Variants in DCAF6 observed in about 807,000 individuals in gnomAD.
DCAF6 encodes DDB1- and CUL4-associated factor 6.
In DCAF6, 54 loss-of-function variants were observed where a neutral mutation model predicts 125.1. That is an observed-to-expected ratio of 0.43 (90% CI 0.35 to 0.54). The LOEUF is 0.54. DCAF6 is among the 20% of genes least tolerant of loss of function. The pLI, the probability that DCAF6 is intolerant of heterozygous loss-of-function variation, is 0.01. For synonymous variants in DCAF6, 371 were observed against 390.4 expected (o/e 0.95, Z 0.58); for missense variants, 934 against 1,161.7 (o/e 0.80, Z 2.85).
upstream of DCAF6, among the ~76,000 whole-genome samples, chr1:167,931,044 G>A (rs371426515): frequency 3.2e-4 from 48 of 152,312 alleles, no homozygotes; most frequent in African/African-American, 1.1e-3. Context: ...CAATTCTCCT[G>A]CCTCACCCTC....
At chr1:167,930,382 AC>A in the DCAF6 span, among the ~76,000 whole-genome samples, 2 of 152,206 alleles carry the variant, frequency 1.3e-5, no homozygotes, top group East Asian at 3.8e-4. Flanking sequence ...GAAATCATCT[AC>A]TGTAGGCACT....
chr1:168,061,470 T>G (rs530057592), intron 17 of DCAF6, among the ~76,000 whole-genome samples: 334 of 152,286 alleles, frequency 2.2e-3, no homozygotes, highest in African/African-American at 7.7e-3. Flanking sequence ...GAATTATTCT[T>G]TAGCCTGTGT....
the DCAF6 span, chr1:167,924,489 A>G: frequency 6.3e-7 from 1 of 1,593,052 alleles, no homozygotes. Context: ...TAAAAACTCA[A>G]GACTTACCCA....
In DCAF6 at chr1:168,065,573, T is replaced by C; in HGVS notation, c.2440-17T>C. The stretch of plus-strand genomic sequence containing the variant: ...AACTTTGATTTGAATTTTTAAATAA[T>C]TTTTTTTAACCCTTAGATAAAAGAA... On this transcript the variant is annotated splice_polypyrimidine_tract_variant and intron_variant, in intron 18 of 21. Transcript: ENST00000367840. The C allele has an allele frequency of 6.9e-7, 1 of 1,453,802 alleles. No individual in the cohort carries two copies. Among genetic ancestry groups the C allele is most frequent in the Non-Finnish European group, 9.3e-7 (1 of 1,076,606 alleles). 90.1% of individuals were successfully genotyped at this position (1,453,802 alleles called of 1,614,324 possible). A position where few individuals can be genotyped will look rare whatever the true frequency, so the allele number is the denominator to read the frequency against.
Position 168,070,742 on chromosome 1 carries a change from C to G in DCAF6, c.2791+2279C>G, listed in dbSNP as rs182771207. Among the ~76,000 whole-genome samples, 27 of 152,252 alleles carry G rather than the reference C, an allele frequency of 1.8e-4. No individual in the cohort carries two copies. In the East Asian group the frequency reaches 5.0e-3, roughly 28 times the overall value. On this transcript the variant is annotated intron_variant, in intron 21 of 21. Coordinates refer to ENST00000367840, the MANE Select transcript of DCAF6 (RefSeq NM_001198956.2). ...TGAGATGGAAAGGCATTTCTGACAT[C>G]CCTAGAAGCTTTGAGAGGCTTTGGA...
intron 12 of DCAF6, among the ~76,000 whole-genome samples, chr1:168,025,699 A>G (rs1405037306): frequency 6.6e-6 from 1 of 152,214 alleles, no homozygotes; most frequent in Non-Finnish European, 1.5e-5. Flanking sequence ...CTCCTAGATT[A>G]ATGGAATAAT....
At chr1:167,990,558 AT>A (rs1680683422) in intron 5 of DCAF6, among the ~76,000 whole-genome samples, 1 of 152,162 alleles carries the variant, frequency 6.6e-6, no homozygotes, top group Non-Finnish European at 1.5e-5. Context: ...AAAGATGTTC[AT>A]TATTCATGAG....
chr1:167,962,165 T>C (rs1356429466), intron 2 of DCAF6, among the ~76,000 whole-genome samples: 1 of 152,180 alleles, frequency 6.6e-6, no homozygotes, highest in Non-Finnish European at 1.5e-5. Context: ...CTGTATATTC[T>C]GCTGTTGTTG....
At chr1:167,995,524 AC>A (rs2103031025) in intron 7 of DCAF6, among the ~76,000 whole-genome samples, 1 of 152,252 alleles carries the variant, frequency 6.6e-6, no homozygotes, top group African/African-American at 2.4e-5. Context: ...TACTGAAAAT[AC>A]AAAAATTAGC....
intron 7 of DCAF6, among the ~76,000 whole-genome samples, chr1:168,001,346 T>C (rs1001201257): frequency 6.6e-6 from 1 of 152,146 alleles, no homozygotes; most frequent in Non-Finnish European, 1.5e-5. Context: ...GAGTGATAGG[T>C]GCCATAAACA....
At chr1:168,067,201 C>A (rs537546586) in intron 20 of DCAF6, among the ~76,000 whole-genome samples, 2 of 152,248 alleles carry the variant, frequency 1.3e-5, no homozygotes, top group South Asian at 4.1e-4. Context: ...ACTGACTGTT[C>A]GTAGCACAAT....
intron 17 of DCAF6, among the ~76,000 whole-genome samples, chr1:168,052,298 A>C (rs1268224581): frequency 6.6e-6 from 1 of 152,224 alleles, no homozygotes; most frequent in Non-Finnish European, 1.5e-5. Flanking sequence ...TTCTGGTTTT[A>C]TAATGAAAAT....
intron 4 of DCAF6, among the ~76,000 whole-genome samples, chr1:167,982,070 C>T (rs1679259979): frequency 6.6e-6 from 1 of 152,170 alleles, no homozygotes; most frequent in African/African-American, 2.4e-5. Flanking sequence ...GCCATTCTCA[C>T]TCATATGAGA....
intron 13 of DCAF6, among the ~76,000 whole-genome samples, chr1:168,040,553 G>C (rs1465570339): frequency 6.6e-6 from 1 of 151,648 alleles, no homozygotes; most frequent in Non-Finnish European, 1.5e-5. Flanking sequence ...GACTTTATAA[G>C]TCTTAGTGCC....
intron 12 of DCAF6, among the ~76,000 whole-genome samples, chr1:168,027,360 A>G (rs1268629492): frequency 2.0e-5 from 3 of 152,142 alleles, no homozygotes; most frequent in Non-Finnish European, 4.4e-5. Flanking sequence ...GGGATAGTTG[A>G]TGTCCCCAGA....
intron 21 of DCAF6, among the ~76,000 whole-genome samples, chr1:168,072,684 A>G (rs1164513209): frequency 2.0e-5 from 3 of 152,206 alleles, no homozygotes; most frequent in African/African-American, 7.2e-5. Flanking sequence ...TCAAATCTCT[A>G]GCTAACAATG....
At chr1:168,067,009 C>A (rs140691275) in intron 20 of DCAF6, among the ~76,000 whole-genome samples, 1 of 152,178 alleles carries the variant, frequency 6.6e-6, no homozygotes, top group Admixed American at 6.5e-5. Context: ...TTCTTTGGAG[C>A]TCTGGATTTC....
At chr1:168,023,390 T>C (rs1231061343) in intron 12 of DCAF6, 13 of 323,298 alleles carry the variant, frequency 4.0e-5, no homozygotes, top group Admixed American at 3.4e-4. Context: ...TAATACTACC[T>C]CGTTGCTTAT....
chr1:168,058,804 A>C (rs1691224934), intron 17 of DCAF6, among the ~76,000 whole-genome samples: 1 of 152,066 alleles, frequency 6.6e-6, no homozygotes, highest in Non-Finnish European at 1.5e-5. Flanking sequence ...CCTAAACCTC[A>C]AGTGATCCAC....
Sources: allele counts gnomAD v4.1 joint callset (sites outside exome capture counted in the v4.1 genomes callset), GRCh38; gene constraint gnomAD v4.1.1; transcripts MANE v1.5; gene names NCBI Gene and HGNC (gene_info 2026-07-23, HGNC 2026-07-21).